Variants in AFF4 observed in about 807,000 individuals in gnomAD.
AFF4 encodes ALF transcription elongation factor 4.
A neutral mutation model predicts 124.8 loss-of-function variants in AFF4; 13 were observed. That is an observed-to-expected ratio of 0.10 (90% confidence interval 0.07 to 0.17). The LOEUF (loss-of-function observed/expected upper bound fraction) is 0.17, where lower values mean the gene tolerates loss of function less well. Ranked by LOEUF, AFF4 falls within the 10% of genes least tolerant of loss-of-function variation. AFF4 has a pLI of 1.00. For missense variants in AFF4, 1,092 were observed against 1,403.8 expected (o/e 0.78, Z 3.55); for synonymous variants, 477 against 496.1 (o/e 0.96, Z 0.51).
At chr5:132,903,516 T>C (rs1490764128) in intron 6 of AFF4, among the ~76,000 whole-genome samples, 1 of 115,218 alleles carries the variant, frequency 8.7e-6, no homozygotes, top group Non-Finnish European at 2.0e-5. Flanking sequence ...TTGCATTGGT[T>C]CCTGATCTTA....
At position 132,903,685 on chromosome 5, in the gene AFF4, G is replaced by C. The variant is rs568768449; in HGVS notation, c.1087+683C>G. ...AACCAAGGAAGAAAAAACAGGGACTGTACAAATATAAGAAGAAAAGGGCCA... is the reference window on the plus strand; with the variant it reads ...AACCAAGGAAGAAAAAACAGGGACTCTACAAATATAAGAAGAAAAGGGCCA... On this transcript the variant is annotated intron_variant, in intron 6 of 20. Transcript: ENST00000265343. 3.9e-5 allele frequency among the ~76,000 whole-genome samples: 6 copies of C among 152,250 alleles called. No homozygotes were observed. The South Asian group carries it at 1.2e-3, about 32-fold the overall frequency.
chr5:132,909,292 A>G (rs563627149), intron 5 of AFF4, among the ~76,000 whole-genome samples: 163 of 150,102 alleles, frequency 1.1e-3, no homozygotes, highest in Non-Finnish European at 1.7e-3. Context: ...TTATAGGCGC[A>G]TGCCACCACG....
chr5:132,913,549 T>C (rs1305394224), intron 5 of AFF4, among the ~76,000 whole-genome samples: 1 of 152,176 alleles, frequency 6.6e-6, no homozygotes, highest in Non-Finnish European at 1.5e-5. Context: ...GCTCAGGCAA[T>C]CCTCTTGTTT....
intron 1 of AFF4, among the ~76,000 whole-genome samples, chr5:132,946,379 T>G (rs1581330881): frequency 6.6e-6 from 1 of 152,228 alleles, no homozygotes; most frequent in Admixed American, 6.5e-5. Context: ...ATAGCAGCAT[T>G]GTTCACAATA....
In AFF4 at chr5:132,959,757, CTTT is replaced by C. The variant is rs1163731664; in HGVS notation, c.-5+3499_-5+3501del. On this transcript the variant is annotated intron_variant, in intron 1 of 20. Coordinates refer to ENST00000265343, the MANE Select transcript of AFF4 (RefSeq NM_014423.4). Reference sequence around the variant, plus strand: ...GTTAACAACAAGTAGGAGTGCTTTTCTTTTTTTTTTTTTTTTTTTTTTTTTGAG... The same window carrying C: ...GTTAACAACAAGTAGGAGTGCTTTTCTTTTTTTTTTTTTTTTTTTTTTGAG... Among the ~76,000 whole-genome samples, 7 of 71,504 alleles carry C rather than the reference CTTT, an allele frequency of 9.8e-5. No individual in the cohort carries two copies. The South Asian group carries it at 2.2e-3, about 23-fold the overall frequency. 46.9% of individuals were successfully genotyped at this position (71,504 alleles called of 152,430 possible). A position where few individuals can be genotyped will look rare whatever the true frequency, so the allele number is the denominator to read the frequency against.
intron 1 of AFF4, among the ~76,000 whole-genome samples, chr5:132,938,315 G>C (rs1761480887): frequency 1.3e-5 from 2 of 151,328 alleles, no homozygotes; most frequent in East Asian, 3.9e-4. Context: ...ATCCAGGCTG[G>C]AGTGCGGTGG....
rs1204492978 is a variant in AFF4 at position 132,963,590 on chromosome 5, G to A, written c.-336C>T. The stretch of plus-strand genomic sequence containing the variant: ...CAGGATCCCCGCCCCGTCCGCTGGC[G>A]GCGGCGACGGCAGCTGGACTCCTGC... On this transcript the variant is annotated 5_prime_UTR_variant, in exon 1 of 21. Coordinates refer to ENST00000265343, the MANE Select transcript of AFF4 (RefSeq NM_014423.4). The A allele has an allele frequency of 7.5e-6, 3 of 397,636 alleles. No homozygotes were observed. Among genetic ancestry groups the A allele is most frequent in the East Asian group, 3.6e-5 (1 of 28,036 alleles). The allele number at this position is 397,636 out of a possible 1,614,324, so 24.6% of individuals were successfully genotyped here. A position where few individuals can be genotyped will look rare whatever the true frequency, so the allele number is the denominator to read the frequency against.
chr5:132,923,371 GGAGAGA>G (rs72156570), intron 5 of AFF4, among the ~76,000 whole-genome samples: 29 of 148,434 alleles, frequency 2.0e-4, no homozygotes, highest in South Asian at 8.6e-4. Context: ...AGGAAAGAAA[GGAGAGA>G]GAGAGAGAGA....
intron 5 of AFF4, among the ~76,000 whole-genome samples, chr5:132,915,338 CAAAAGAA>C (rs200113875): frequency 6.1e-5 from 9 of 148,138 alleles, no homozygotes; most frequent in African/African-American, 9.9e-5. Context: ...AAGACTGTCT[CAAAAGAA>C]AAAAGAAAAA....
At chr5:132,939,188 G>C (rs1226491158) in intron 1 of AFF4, among the ~76,000 whole-genome samples, 1 of 144,310 alleles carries the variant, frequency 6.9e-6, no homozygotes, top group Non-Finnish European at 1.5e-5. Context: ...CTGATCTCCA[G>C]CCTGGGAGAC....
At chr5:132,892,984 T>C (rs1381551802) in intron 12 of AFF4, 46 bp downstream of exon 12, 11 of 1,552,230 alleles carry the variant, frequency 7.1e-6, no homozygotes, top group Middle Eastern at 1.7e-4. Flanking sequence ...TCAAATGATA[T>C]ACATATATTA....
intron 1 of AFF4, among the ~76,000 whole-genome samples, chr5:132,958,988 T>C (rs994061361): frequency 6.6e-6 from 1 of 152,194 alleles, no homozygotes; most frequent in Non-Finnish European, 1.5e-5. Flanking sequence ...AAATGATTAT[T>C]GAAGTAATTA....
At chr5:132,938,806 A>G (rs2150101999) in intron 1 of AFF4, among the ~76,000 whole-genome samples, 1 of 151,538 alleles carries the variant, frequency 6.6e-6, no homozygotes, top group Non-Finnish European at 1.5e-5. Flanking sequence ...AGCCAGGTGC[A>G]GTGGCAGGCG....
At chr5:132,933,256 G>C (rs1204532679) in intron 3 of AFF4, among the ~76,000 whole-genome samples, 1 of 152,096 alleles carries the variant, frequency 6.6e-6, no homozygotes, top group African/African-American at 2.4e-5. Context: ...AATTAGCCGG[G>C]CATGGTGGCA....
chr5:132,958,059 T>G (rs1762000655), intron 1 of AFF4, among the ~76,000 whole-genome samples: 1 of 152,192 alleles, frequency 6.6e-6, no homozygotes, highest in South Asian at 2.1e-4. Flanking sequence ...CACTTGATAT[T>G]GATGATATTA....
Position 132,896,968 on chromosome 5 carries a change from G to A in AFF4, c.1662C>T (p.Asp554=). The change falls in exon 11 of 21, where the codon GAC becomes GAT. Residue 554 remains aspartate (D), a synonymous_variant. Coordinates refer to ENST00000265343, the MANE Select transcript of AFF4 (RefSeq NM_014423.4). ...CTACAGTTCTTCTCTGTGTTGTGCT[G>A]TCACTCTGTGCAGGAGATTTCTGCC... ...RGRQKSPAQS[D]STTQRRTVGK... 1.2e-6 allele frequency: 2 copies of A among 1,614,160 alleles called. No homozygotes were observed. The highest frequency in any genetic ancestry group is 1.7e-6 in the Non-Finnish European group (2 of 1,180,032).
At chr5:132,900,606 C>G (rs1362013016) in intron 7 of AFF4, among the ~76,000 whole-genome samples, 1 of 152,036 alleles carries the variant, frequency 6.6e-6, no homozygotes, top group African/African-American at 2.4e-5. Context: ...CCAAAATCTC[C>G]GTTGATCAAA....
chr5:132,943,067 C>T (rs574455182), intron 1 of AFF4: 37 of 195,342 alleles, frequency 1.9e-4, no homozygotes, highest in Non-Finnish European at 2.9e-4. Flanking sequence ...AACTAGTTGA[C>T]GCCCCAAGAC....
At chr5:132,941,483 A>T (rs1351221309) in intron 1 of AFF4, among the ~76,000 whole-genome samples, 1 of 152,012 alleles carries the variant, frequency 6.6e-6, no homozygotes, top group Non-Finnish European at 1.5e-5. Flanking sequence ...ACAGGCACAC[A>T]CCACCACACC....
Sources: allele counts gnomAD v4.1 joint callset (sites outside exome capture counted in the v4.1 genomes callset), GRCh38; gene constraint gnomAD v4.1.1; transcripts MANE v1.5; gene names NCBI Gene and HGNC (gene_info 2026-07-23, HGNC 2026-07-21).